Variants in TNPO2 observed in about 807,000 individuals in gnomAD.
The protein encoded by TNPO2 is transportin 2.
Under a neutral mutation model 111.1 loss-of-function variants are expected in TNPO2, and 16 were observed. The observed-to-expected ratio is 0.14, with a 90% CI of 0.10 to 0.22. The LOEUF is 0.22. TNPO2 is among the 10% of genes least tolerant of loss of function. TNPO2 has a pLI of 1.00. For synonymous variants in TNPO2, 481 were observed against 475.8 expected (o/e 1.01, Z -0.14); for missense variants, 530 against 1,173.7 (o/e 0.45, Z 8.01).
chr19:12,703,410 CA>C lies in TNPO2; in HGVS notation c.2209+17del. The C allele has an allele frequency of 6.2e-7, 1 of 1,611,618 alleles. No individual in the cohort carries two copies. The highest frequency in any genetic ancestry group is 1.1e-5 in the South Asian group (1 of 91,002). On this transcript the variant is annotated intron_variant, in intron 20 of 25. Coordinates refer to ENST00000425528, the MANE Select transcript of TNPO2 (RefSeq NM_001382241.1). ...CAGGCTAATGGGGGGCGCGTGTTGC[CA>C]CTTGCAGGGCACTCACCCATCTGCA...
rs2025259378 is a variant in TNPO2, at chr19:12,700,977, G to A, written c.*287C>T. The A allele has an allele frequency of 1.8e-5, 4 of 227,122 alleles. No individual in the cohort carries two copies. The South Asian group carries it at 3.4e-4, about 19-fold the overall frequency. The allele number at this position is 227,122 out of a possible 1,614,324, so 14.1% of individuals were successfully genotyped here. ...TCCCTCCCACGTAGCTGGCCCAAGTGGGCTGCCAGAGATGACCCTATTAGA... is the reference window on the plus strand; with the variant it reads ...TCCCTCCCACGTAGCTGGCCCAAGTAGGCTGCCAGAGATGACCCTATTAGA... On this transcript the variant is annotated 3_prime_UTR_variant, in exon 26 of 26. Transcript: ENST00000425528.
intron 5 of TNPO2, among the ~76,000 whole-genome samples, chr19:12,717,266 CTCTT>C (rs2026415653): frequency 6.9e-6 from 1 of 144,678 alleles, no homozygotes; most frequent in African/African-American, 2.7e-5. Context: ...TTCTTTTTCT[CTCTT>C]TTTTTTTTTT....
At chr19:12,703,558 A>G in intron 19 of TNPO2, 32 bp from the exon 20 acceptor site, 3 of 1,607,022 alleles carry the variant, frequency 1.9e-6, no homozygotes, top group Non-Finnish European at 2.6e-6. Flanking sequence ...GCTGAGAAGG[A>G]GGGCCAGCCA....
chr19:12,717,561 T>C (rs7259207), intron 5 of TNPO2, among the ~76,000 whole-genome samples: 18,783 of 151,566 alleles, frequency 0.12, 3,451 homozygotes, highest in African/African-American at 0.4. Context: ...CGTGAGCCAC[T>C]GTGCTCAGCC....
intron 10 of TNPO2, among the ~76,000 whole-genome samples, chr19:12,712,174 C>T (rs1477791156): frequency 6.6e-6 from 1 of 152,162 alleles, no homozygotes; most frequent in East Asian, 1.9e-4. Flanking sequence ...GACAAGAGTG[C>T]GAGCCTTCTG....
In TNPO2 at chr19:12,703,460, G is replaced by A. The variant is rs1327739433; in HGVS notation, c.2177C>T (p.Thr726Ile). ...CATGCAGATTTCACCAATGGCCCAG[G>A]TGGCGTTGTTGCAGACGGAGATGAA... ...PEFISVCNNATWAIGEICMQM... is the reference protein window; with the variant it reads ...PEFISVCNNAIWAIGEICMQM... The change falls in exon 20 of 26, where the codon ACC (threonine) becomes ATC (isoleucine). Residue 726 changes from threonine (T) to isoleucine (I), a missense_variant. Around this residue, in one of 4 missense-constraint regions of TNPO2, gnomAD observed 183 missense variants for 481.0 expected, o/e 0.38. Coordinates refer to ENST00000425528, the MANE Select transcript of TNPO2 (RefSeq NM_001382241.1). 6.2e-7 allele frequency: 1 copy of A among 1,613,902 alleles called. No homozygotes were observed. The highest frequency in any genetic ancestry group is 8.5e-7 in the Non-Finnish European group (1 of 1,179,910).
At position 12,700,071 on chromosome 19, in the gene TNPO2, G is replaced by A. The variant is rs1383156138; in HGVS notation, c.*1193C>T. 6.6e-6 allele frequency: 1 copy of A among 152,158 alleles called. No individual in the cohort carries two copies. Among genetic ancestry groups the A allele is most frequent in the Non-Finnish European group, 1.5e-5 (1 of 68,060 alleles). 9.4% of individuals were successfully genotyped at this position (152,158 alleles called of 1,614,324 possible). A position where few individuals can be genotyped will look rare whatever the true frequency, so the allele number is the denominator to read the frequency against. Reference sequence around the variant, plus strand: ...TTCCGGAAGGTTCTCTAGAATTGCTGACCCAGTCTAGTAGGATCTCTGGGC... The same window carrying A: ...TTCCGGAAGGTTCTCTAGAATTGCTAACCCAGTCTAGTAGGATCTCTGGGC... On this transcript the variant is annotated 3_prime_UTR_variant, in exon 26 of 26. Transcript: ENST00000425528.
chr19:12,705,119 A>T lies in TNPO2; in HGVS notation c.2022+121T>A. 1 of 1,095,420 alleles carries T rather than the reference A, an allele frequency of 9.1e-7. No individual in the cohort carries two copies. Among genetic ancestry groups the T allele is most frequent in the Non-Finnish European group, 1.3e-6 (1 of 767,322 alleles). The allele number at this position is 1,095,420 out of a possible 1,614,324, so 67.9% of individuals were successfully genotyped here. On this transcript the variant is annotated intron_variant, in intron 18 of 25. Coordinates refer to ENST00000425528, the MANE Select transcript of TNPO2 (RefSeq NM_001382241.1). The surrounding 1 kb of genome is among the most constrained non-coding windows in gnomAD (Gnocchi z 7.2). ...GCCTCGGCCTCCAGGATTACTCTTT[A>T]AAATAATTAGAACAGCACCTTTTCC...
At position 12,706,847 on chromosome 19, in the gene TNPO2, C is replaced by T; in HGVS notation, c.1271-52G>A. 1 of 1,450,936 alleles carries T rather than the reference C, an allele frequency of 6.9e-7. No individual in the cohort carries two copies. The highest frequency in any genetic ancestry group is 1.2e-5 in the South Asian group (1 of 82,098). The allele number at this position is 1,450,936 out of a possible 1,614,324, so 89.9% of individuals were successfully genotyped here. On this transcript the variant is annotated intron_variant, in intron 13 of 25. Coordinates refer to ENST00000425528, the MANE Select transcript of TNPO2 (RefSeq NM_001382241.1). The surrounding 1 kb of genome is among the most constrained non-coding windows in gnomAD (Gnocchi z 7.0). ...GCAGTTTGATTGGGCCCAGCCACAC[C>T]CACCGTATGGAGAGAAGAGTCAGCC...
chr19:12,721,376 G>A lies in TNPO2; in HGVS notation c.-13-386C>T. The A allele has an allele frequency of 1.7e-6, 2 of 1,144,362 alleles. No homozygotes were observed. Among genetic ancestry groups the A allele is most frequent in the South Asian group, 1.3e-5 (1 of 76,604 alleles). 70.9% of individuals were successfully genotyped at this position (1,144,362 alleles called of 1,614,324 possible). A position where few individuals can be genotyped will look rare whatever the true frequency, so the allele number is the denominator to read the frequency against. On this transcript the variant is annotated intron_variant, in intron 2 of 25. Coordinates refer to ENST00000425528, the MANE Select transcript of TNPO2 (RefSeq NM_001382241.1). This position sits in a 1 kb window ranked among gnomAD's most constrained non-coding sequence, Gnocchi z 4.9. ...GGCCCAGCCGCCTCCACATCCAGGG[G>A]CCCCGCCCCAGACCGTGATAGCGCC...
rs1274723046 is a variant in TNPO2, at chr19:12,721,238, C to G, written c.-13-248G>C. 6.9e-6 allele frequency: 9 copies of G among 1,307,208 alleles called. No individual in the cohort carries two copies. Among genetic ancestry groups the G allele is most frequent in the Non-Finnish European group, 7.8e-6 (8 of 1,027,288 alleles). 81.0% of individuals were successfully genotyped at this position (1,307,208 alleles called of 1,614,324 possible). On this transcript the variant is annotated intron_variant, in intron 2 of 25. Coordinates refer to ENST00000425528, the MANE Select transcript of TNPO2 (RefSeq NM_001382241.1). This position sits in a 1 kb window ranked among gnomAD's most constrained non-coding sequence, Gnocchi z 4.9. ...CGGGCCACAGGCGGCGGCGGCGGGG[C>G]CCGGCGGATCCTCATGGGACCCAGC...
intron 19 of TNPO2, 34 bp downstream of exon 19, chr19:12,703,680 G>A (rs757959416): frequency 6.2e-7 from 1 of 1,602,026 alleles, no homozygotes. Context: ...GCCGGGGCTG[G>A]GGTCATGGGT....
chr19:12,711,992 T>A, intron 10 of TNPO2, among the ~76,000 whole-genome samples: 1 of 151,920 alleles, frequency 6.6e-6, no homozygotes, highest in East Asian at 1.9e-4. Context: ...AGAATAGTTA[T>A]ACCAGATATA....
chr19:12,721,969 C>T lies in TNPO2; in HGVS notation c.-13-979G>A, dbSNP rs957732311. 6.6e-6 allele frequency among the ~76,000 whole-genome samples: 1 copy of T among 151,754 alleles called. No homozygotes were observed. The highest frequency in any genetic ancestry group is 2.4e-5 in the African/African-American group (1 of 41,368). The stretch of plus-strand genomic sequence containing the variant: ...GGGCATTCCCCTCAACGGATCCCAG[C>T]AACGCCTCGAAGTCAGATCCAAGAA... On this transcript the variant is annotated intron_variant, in intron 2 of 25. Coordinates refer to ENST00000425528, the MANE Select transcript of TNPO2 (RefSeq NM_001382241.1). The surrounding 1 kb of genome is among the most constrained non-coding windows in gnomAD (Gnocchi z 4.9).
At chr19:12,707,479 C>CTTTTTTTT (rs56817777) in intron 13 of TNPO2, among the ~76,000 whole-genome samples, 15 of 75,024 alleles carry the variant, frequency 2.0e-4, no homozygotes, top group East Asian at 3.9e-4. Context: ...TGTGAGTTTT[C>CTTTTTTTT]TTTTTTTTTT....
chr19:12,701,938 C>T lies in TNPO2; in HGVS notation c.2412-87G>A, dbSNP rs2025334088. ...GGGTCACTGGGGATCAGTGAGTGGG[C>T]CTGGGACATGCATCTGTGGGGGTGG... On this transcript the variant is annotated intron_variant, in intron 22 of 25. Transcript: ENST00000425528. This position sits in a 1 kb window ranked among gnomAD's most constrained non-coding sequence, Gnocchi z 5.0. 4 of 1,419,002 alleles carry T rather than the reference C, an allele frequency of 2.8e-6. No individual in the cohort carries two copies. Among genetic ancestry groups the T allele is most frequent in the Middle Eastern group, 3.5e-4 (2 of 5,718 alleles). The allele number at this position is 1,419,002 out of a possible 1,614,324, so 87.9% of individuals were successfully genotyped here. A position where few individuals can be genotyped will look rare whatever the true frequency, so the allele number is the denominator to read the frequency against.
Position 12,719,875 on chromosome 19 carries a change from G to A in TNPO2, c.100-539C>T, listed in dbSNP as rs1268032173. Among the ~76,000 whole-genome samples, 1 of 151,154 alleles carries A rather than the reference G, an allele frequency of 6.6e-6. No homozygotes were observed. The highest frequency in any genetic ancestry group is 1.5e-5 in the Non-Finnish European group (1 of 67,926). On this transcript the variant is annotated intron_variant, in intron 3 of 25. Transcript: ENST00000425528. This position sits in a 1 kb window ranked among gnomAD's most constrained non-coding sequence, Gnocchi z 5.0. ...ATCCACTCCTGAAGACCCAGCCAGAGCAGGAGAGGGAAGGAGAATCCCACT... is the reference window on the plus strand; with the variant it reads ...ATCCACTCCTGAAGACCCAGCCAGAACAGGAGAGGGAAGGAGAATCCCACT...
chr19:12,706,861 GAA>G lies in TNPO2; in HGVS notation c.1271-68_1271-67del, dbSNP rs1272470457. On this transcript the variant is annotated intron_variant, in intron 13 of 25. Transcript: ENST00000425528. The surrounding 1 kb of genome is among the most constrained non-coding windows in gnomAD (Gnocchi z 7.0). ...CCCAGCCACACCCACCGTATGGAGA[GAA>G]GAGTCAGCCGCACACAACATATAGG... 7.4e-7 allele frequency: 1 copy of G among 1,351,974 alleles called. No individual in the cohort carries two copies. Among genetic ancestry groups the G allele is most frequent in the African/African-American group, 1.4e-5 (1 of 69,114 alleles). 83.7% of individuals were successfully genotyped at this position (1,351,974 alleles called of 1,614,324 possible).
rs889076678 is a variant in TNPO2, at chr19:12,721,099, C to T, written c.-13-109G>A. The T allele has an allele frequency of 2.0e-6, 3 of 1,525,484 alleles. No individual in the cohort carries two copies. Among genetic ancestry groups the T allele is most frequent in the Middle Eastern group, 3.9e-4 (2 of 5,084 alleles). The allele number at this position is 1,525,484 out of a possible 1,614,324, so 94.5% of individuals were successfully genotyped here. On this transcript the variant is annotated intron_variant, in intron 2 of 25. Coordinates refer to ENST00000425528, the MANE Select transcript of TNPO2 (RefSeq NM_001382241.1). The surrounding 1 kb of genome is among the most constrained non-coding windows in gnomAD (Gnocchi z 4.9). Reference sequence around the variant, plus strand: ...CGCATGACGACGGGAACGCCCTCGGCGGACAGGCGGAGGCCTCCGATCCAC... The same window carrying T: ...CGCATGACGACGGGAACGCCCTCGGTGGACAGGCGGAGGCCTCCGATCCAC...
Sources: allele counts gnomAD v4.1 joint callset (sites outside exome capture counted in the v4.1 genomes callset), GRCh38; gene constraint gnomAD v4.1.1; regional missense constraint gnomAD v4.1.1; non-coding constraint Gnocchi (gnomAD v3.1); transcripts MANE v1.5; gene names NCBI Gene and HGNC (gene_info 2026-07-23, HGNC 2026-07-21).